Variants in SOX5 observed in about 807,000 individuals in gnomAD.
SOX5 encodes the protein transcription factor SOX-5.
A neutral mutation model predicts 92.0 loss-of-function variants in SOX5; 9 were observed. The observed-to-expected ratio is 0.10, with a 90% CI of 0.06 to 0.17. The LOEUF (loss-of-function observed/expected upper bound fraction) is 0.17. SOX5 is among the 10% of genes least tolerant of loss of function. The pLI, the probability that SOX5 is intolerant of heterozygous loss-of-function variation, is 1.00. For synonymous variants in SOX5, 344 were observed against 336.3 expected (o/e 1.02, Z -0.25); for missense variants, 642 against 944.5 (o/e 0.68, Z 4.20).
intron 3 of SOX5, among the ~76,000 whole-genome samples, chr12:23,841,917 T>C (rs1055086886): frequency 6.6e-6 from 1 of 152,156 alleles, no homozygotes; most frequent in Non-Finnish European, 1.5e-5. Flanking sequence ...TACATTTCTA[T>C]GCATTTGCAC....
At chr12:23,959,149 T>C (rs1013683462) in intron 4 of SOX5, among the ~76,000 whole-genome samples, 1 of 151,806 alleles carries the variant, frequency 6.6e-6, no homozygotes, top group African/African-American at 2.4e-5. Flanking sequence ...CTATCATATT[T>C]AAAGCACTAA....
chr12:24,323,217 C>T (rs1448013078), intron 2 of SOX5, among the ~76,000 whole-genome samples: 1 of 151,600 alleles, frequency 6.6e-6, no homozygotes, highest in Non-Finnish European at 1.5e-5. Flanking sequence ...ATAAATTATT[C>T]AAATAAATGA....
intron 3 of SOX5, among the ~76,000 whole-genome samples, chr12:23,836,063 C>T (rs958732421): frequency 1.3e-4 from 19 of 151,714 alleles, no homozygotes; most frequent in South Asian, 6.2e-4. Flanking sequence ...TACATGGTAA[C>T]AATTTATATA....
intron 1 of SOX5, among the ~76,000 whole-genome samples, chr12:24,539,575 C>T (rs193244069): frequency 5.3e-5 from 8 of 152,126 alleles, no homozygotes; most frequent in African/African-American, 1.9e-4. Context: ...GGAAGGCAGA[C>T]ATTACAAAGA....
chr12:24,052,412 TTAA>T (rs1445250433), intron 4 of SOX5, among the ~76,000 whole-genome samples: 2 of 152,158 alleles, frequency 1.3e-5, no homozygotes, highest in African/African-American at 2.4e-5. Context: ...CTTGTTAATT[TTAA>T]TAATAGTTTT....
intron 1 of SOX5, among the ~76,000 whole-genome samples, chr12:24,390,437 A>T (rs1380317966): frequency 6.6e-6 from 1 of 152,144 alleles, no homozygotes; most frequent in Non-Finnish European, 1.5e-5. Flanking sequence ...TACATGTATA[A>T]TGTTTTTATA....
rs577412732 is a variant in SOX5, at chr12:23,867,080, G to T, written c.271-20887C>A. On this transcript the variant is annotated intron_variant, in intron 2 of 14. Coordinates refer to ENST00000451604, the MANE Select transcript of SOX5 (RefSeq NM_006940.6). ...CTTCAAGCTTTAAAACATGGCATAG[G>T]TTTACTTCCTTGGGGAATTATATGT... 2.8e-5 allele frequency among the ~76,000 whole-genome samples: 4 copies of T among 140,816 alleles called. No homozygotes were observed. The East Asian group carries it at 7.7e-4, about 27-fold the overall frequency. The allele number at this position is 140,816 out of a possible 152,430, so 92.4% of individuals were successfully genotyped here.
chr12:23,833,347 A>C (rs1413551964), intron 3 of SOX5, among the ~76,000 whole-genome samples: 3 of 151,972 alleles, frequency 2.0e-5, no homozygotes, highest in Non-Finnish European at 4.4e-5. Flanking sequence ...AAGAAATACA[A>C]ACTGTCTCCC....
At chr12:23,579,619 A>C (rs1949766734) in intron 9 of SOX5, among the ~76,000 whole-genome samples, 3 of 152,134 alleles carry the variant, frequency 2.0e-5, no homozygotes. Flanking sequence ...TGGACAATTT[A>C]TTTCTGGCAT....
At chr12:24,324,185 G>C (rs1950465210) in intron 2 of SOX5, among the ~76,000 whole-genome samples, 1 of 152,010 alleles carries the variant, frequency 6.6e-6, no homozygotes, top group South Asian at 2.1e-4. Context: ...GTAGCAATTA[G>C]TAATTCAGCA....
At chr12:23,804,037 ATAAT>A (rs1287212390) in intron 3 of SOX5, among the ~76,000 whole-genome samples, 1 of 152,370 alleles carries the variant, frequency 6.6e-6, no homozygotes, top group East Asian at 1.9e-4. Flanking sequence ...CCATTTAAAA[ATAAT>A]TAATAAGTAT....
intron 1 of SOX5, among the ~76,000 whole-genome samples, chr12:24,525,756 C>T (rs1950646733): frequency 6.6e-6 from 1 of 151,934 alleles, no homozygotes; most frequent in Non-Finnish European, 1.5e-5. Flanking sequence ...CCTGTAGTCC[C>T]AGCGACTCGG....
intron 1 of SOX5, among the ~76,000 whole-genome samples, chr12:24,419,953 G>T (rs1254507567): frequency 6.6e-6 from 1 of 152,224 alleles, no homozygotes; most frequent in Non-Finnish European, 1.5e-5. Context: ...AACTGTGAAA[G>T]AAGACTCTGC....
intron 4 of SOX5, among the ~76,000 whole-genome samples, chr12:24,110,900 CAAAAA>C (rs67100585): frequency 1.8e-4 from 5 of 27,586 alleles, no homozygotes; most frequent in Admixed American, 5.5e-4. Flanking sequence ...GACTCCACTT[CAAAAA>C]AAAAAAAAAA....
At chr12:24,059,719 TCTC>T (rs1434318224) in intron 4 of SOX5, among the ~76,000 whole-genome samples, 2 of 152,058 alleles carry the variant, frequency 1.3e-5, no homozygotes, top group South Asian at 2.1e-4. Flanking sequence ...GGGAATCACA[TCTC>T]CTCTGCCAGT....
At chr12:24,213,419 T>TAAAAAAAAAAAAAAAAAAAAAAA (rs67296842) in intron 3 of SOX5, 9 of 96,862 alleles carry the variant, frequency 9.3e-5, no homozygotes, top group South Asian at 3.6e-4. Context: ...CTTGAAATGC[T>TAAAAAAAAAAAAAAAAAAAAAAA]AAAAAAAAAA....
chr12:23,881,363 C>A (rs2096987766), intron 2 of SOX5, among the ~76,000 whole-genome samples: 4 of 152,134 alleles, frequency 2.6e-5, no homozygotes, highest in Admixed American at 2.0e-4. Flanking sequence ...CTCGCAATTT[C>A]TTTCTCTTTG....
intron 1 of SOX5, among the ~76,000 whole-genome samples, chr12:23,947,918 A>G (rs773840931): frequency 1.3e-5 from 2 of 152,068 alleles, no homozygotes; most frequent in Non-Finnish European, 2.9e-5. Flanking sequence ...AGGCTTACAA[A>G]TCAGCCTCAG....
In SOX5 at chr12:23,595,509, C is replaced by T. The variant is rs543223440; in HGVS notation, c.1164+8878G>A. ...GTGGTGGCACCTGTTGTCCCAGCTA[C>T]TTGAGAGGCTGAGGCAGGAGAATGG... is the stretch of plus-strand genomic sequence containing the variant. On this transcript the variant is annotated intron_variant, in intron 9 of 14. Coordinates refer to ENST00000451604, the MANE Select transcript of SOX5 (RefSeq NM_006940.6). 2.5e-3 allele frequency among the ~76,000 whole-genome samples: 368 copies of T among 149,288 alleles called. 1 individual carries two copies. The highest frequency in any genetic ancestry group is 8.8e-3 in the African/African-American group (355 of 40,474).
Sources: gnomAD v4.1 joint callset for allele counts (sites outside exome capture counted in the v4.1 genomes callset) on GRCh38, gnomAD v4.1.1 for gene constraint, MANE v1.5 for transcripts, NCBI Gene and HGNC (gene_info 2026-07-23, HGNC 2026-07-21) for gene names.